The following ZC3HC1 variants were observed in gnomAD, a reference collection of about 807,000 sequenced individuals.
The protein encoded by ZC3HC1 is zinc finger C3HC-type containing 1.
A neutral mutation model predicts 61.9 loss-of-function variants in ZC3HC1; 38 were observed. The ratio of observed to expected loss-of-function variants is 0.61; its 90% CI spans 0.47 to 0.81. The LOEUF is 0.81. ZC3HC1 is among the 30% of genes least tolerant of loss of function. The pLI is 0.00. For missense variants in ZC3HC1, 554 were observed against 622.7 expected (o/e 0.89, Z 1.17); for synonymous variants, 213 against 229.9 (o/e 0.93, Z 0.67).
intron 9 of ZC3HC1, among the ~76,000 whole-genome samples, chr7:130,019,054 C>CTTTCTT (rs779856466): frequency 1.5e-5 from 2 of 132,982 alleles, no homozygotes; most frequent in Non-Finnish European, 3.2e-5. Flanking sequence ...ACTGGTTTTT[C>CTTTCTT]TTTTTTTTTT....
chr7:130,041,250 C>T (rs766653553), intron 2 of ZC3HC1, 149 bp from the exon 3 acceptor site: 19 of 844,282 alleles, frequency 2.3e-5, no homozygotes, highest in South Asian at 4.6e-5. Context: ...TGCAGTGGCA[C>T]GATCTAAGCT....
intron 2 of ZC3HC1, chr7:130,043,939 T>C (rs1794774389): frequency 2.3e-6 from 1 of 431,918 alleles, no homozygotes; most frequent in Admixed American, 2.8e-5. Context: ...GAGGGAAAAA[T>C]AGGGAAAAGG....
intron 8 of ZC3HC1, among the ~76,000 whole-genome samples, chr7:130,022,831 C>T (rs1453754324): frequency 1.3e-5 from 2 of 152,236 alleles, no homozygotes; most frequent in Admixed American, 6.5e-5. Context: ...TCTGAATTTA[C>T]AGCTGCTCCC....
intron 1 of ZC3HC1, 133 bp from the exon 2 acceptor site, chr7:130,049,277 T>G: frequency 1.9e-6 from 1 of 531,292 alleles, no homozygotes; most frequent in South Asian, 4.6e-5. Flanking sequence ...ATCATTTTAC[T>G]CATGTCATTC....
chr7:130,027,951 G>A (rs1230657589), intron 5 of ZC3HC1, among the ~76,000 whole-genome samples: 6 of 146,094 alleles, frequency 4.1e-5, no homozygotes, highest in Admixed American at 6.8e-5. Context: ...GGCGGATCAC[G>A]AGGTCAGGAG....
At chr7:130,048,836 T>C (rs752897594) in intron 2 of ZC3HC1, 197 bp downstream of exon 2, 13 of 394,738 alleles carry the variant, frequency 3.3e-5, no homozygotes, top group Non-Finnish European at 4.4e-5. Flanking sequence ...CTTAGTTTTT[T>C]CTTCTGTAAA....
At chr7:130,022,182 CA>C in intron 9 of ZC3HC1, 136 bp downstream of exon 9, 1 of 1,169,714 alleles carries the variant, frequency 8.5e-7, no homozygotes, top group Admixed American at 2.0e-5. Context: ...AAAAAACAAA[CA>C]AACAAACAAA....
chr7:130,034,464 G>A (rs13309401), intron 4 of ZC3HC1, among the ~76,000 whole-genome samples: 1 of 136,914 alleles, frequency 7.3e-6, no homozygotes, highest in African/African-American at 2.8e-5. Context: ...TAGCCTGGGC[G>A]ACAGAGCGAG....
In ZC3HC1 at chr7:130,023,533, C is replaced by T. The variant is rs202243776; in HGVS notation, c.1211G>A (p.Arg404His). 3.8e-5 allele frequency: 61 copies of T among 1,614,028 alleles called. No homozygotes were observed. The highest frequency in any genetic ancestry group is 3.3e-4 in the Middle Eastern group (2 of 6,056). The change falls in exon 8 of 10, where the codon CGC (arginine) becomes CAC (histidine). Residue 404 changes from arginine (R) to histidine (H), a missense_variant. Coordinates refer to ENST00000358303, the MANE Select transcript of ZC3HC1 (RefSeq NM_016478.5). This position sits in a 1 kb window ranked among gnomAD's most constrained non-coding sequence, Gnocchi z 4.2. ...SSPLRKAKRA[R>H]LCSSSSSDTS... ...CACCGAACTGCTGGAGGAGCAGAGGCGAGCTCGCTTGGCTTTCCGCAGAGG... is the reference window on the plus strand; with the variant it reads ...CACCGAACTGCTGGAGGAGCAGAGGTGAGCTCGCTTGGCTTTCCGCAGAGG...
chr7:130,028,717 T>C (rs1178541999), intron 5 of ZC3HC1, among the ~76,000 whole-genome samples, 185 bp downstream of exon 5: 1 of 152,124 alleles, frequency 6.6e-6, no homozygotes, highest in Admixed American at 6.6e-5. Context: ...TAAAAAAACA[T>C]ACCTAAACAT....
chr7:130,023,532 G>A lies in ZC3HC1; in HGVS notation c.1212C>T (p.Arg404=), dbSNP rs765024127. ...TCACCGAACTGCTGGAGGAGCAGAG[G>A]CGAGCTCGCTTGGCTTTCCGCAGAG... ...SSPLRKAKRA[R]LCSSSSSDTS... Residue 404 remains arginine, a synonymous_variant, in exon 8 of 10, where the codon CGC becomes CGT. Transcript: ENST00000358303. The surrounding 1 kb of genome is among the most constrained non-coding windows in gnomAD (Gnocchi z 4.2). The A allele has an allele frequency of 6.2e-7, 1 of 1,614,194 alleles. No individual in the cohort carries two copies. The highest frequency in any genetic ancestry group is 1.7e-5 in the Admixed American group (1 of 60,016).
intron 3 of ZC3HC1, 125 bp from the exon 4 acceptor site, chr7:130,039,672 AG>A: frequency 1.5e-6 from 1 of 657,970 alleles, no homozygotes; most frequent in Non-Finnish European, 2.5e-6. Context: ...AATATTATCA[AG>A]TACATAATCT....
At chr7:130,024,698 C>T (rs1793810801) in intron 6 of ZC3HC1, among the ~76,000 whole-genome samples, 192 bp from the exon 7 acceptor site, 2 of 152,110 alleles carry the variant, frequency 1.3e-5, no homozygotes, top group African/African-American at 4.8e-5. Context: ...CATAGAAAGA[C>T]CTCGGGTTCT....
chr7:130,022,477 A>T lies in ZC3HC1; in HGVS notation c.1282T>A (p.Trp428Arg). 6.2e-7 allele frequency: 1 copy of T among 1,612,982 alleles called. No individual in the cohort carries two copies. The highest frequency in any genetic ancestry group is 8.5e-7 in the Non-Finnish European group (1 of 1,179,508). Reference protein sequence around the residue: ...FFDPTSQHRDWCPWVNITLGK... With the variant: ...FFDPTSQHRDRCPWVNITLGK... ...AGTGTGATATTCACCCAAGGGCACC[A>T]GTCTCTATGCTGAGAGGTGGGATCA... The change falls in exon 9 of 10, where the codon TGG (tryptophan) becomes AGG (arginine). Residue 428 changes from tryptophan (W) to arginine (R), a missense_variant. Transcript: ENST00000358303.
intron 9 of ZC3HC1, among the ~76,000 whole-genome samples, 161 bp downstream of exon 9, chr7:130,022,158 C>T (rs180880043): frequency 2.2e-4 from 34 of 152,134 alleles, no homozygotes; most frequent in Admixed American, 6.5e-4. Flanking sequence ...GCAACAAGAA[C>T]GAGACTCCAT....
chr7:130,035,222 T>C (rs1794383015), intron 4 of ZC3HC1, among the ~76,000 whole-genome samples: 1 of 151,902 alleles, frequency 6.6e-6, no homozygotes, highest in Non-Finnish European at 1.5e-5. Context: ...AAACCCCGTC[T>C]CTACTAAAAA....
chr7:130,022,608 A>G, intron 8 of ZC3HC1, 83 bp from the exon 9 acceptor site: 1 of 1,414,414 alleles, frequency 7.1e-7, no homozygotes, highest in Non-Finnish European at 9.8e-7. Flanking sequence ...TATCAAGTCC[A>G]GAATCTCACA....
rs1422215591 is a variant in ZC3HC1, at chr7:130,022,356, T to C, written c.1403A>G (p.His468Arg). 7 of 1,614,026 alleles carry C rather than the reference T, an allele frequency of 4.3e-6. No individual in the cohort carries two copies. The African/African-American group carries it at 6.7e-5, about 15-fold the overall frequency. The change falls in exon 9 of 10, where the codon CAC becomes CGC. Residue 468 changes from histidine (H) to arginine (R), a missense_variant. By Grantham distance (29) the His-to-Arg change is conservative (BLOSUM62 0). Coordinates refer to ENST00000358303, the MANE Select transcript of ZC3HC1 (RefSeq NM_016478.5). ...WKAVLTILLAHKQSSQPAETD... is the reference protein window; with the variant it reads ...WKAVLTILLARKQSSQPAETD... ...TTCAGCTGGCTGGCTAGACTGTTTG[T>C]GCGCCAAGAGGATGGTCAGCACTGC...
chr7:130,041,598 C>T (rs935833455), intron 2 of ZC3HC1, among the ~76,000 whole-genome samples: 15 of 146,760 alleles, frequency 1.0e-4, no homozygotes, highest in Non-Finnish European at 1.6e-4. Context: ...AGTCTCGGCT[C>T]GGTTTCTGCA....
Sources: gnomAD v4.1 joint callset for allele counts (sites outside exome capture counted in the v4.1 genomes callset) on GRCh38, gnomAD v4.1.1 for gene constraint, Gnocchi (gnomAD v3.1) non-coding constraint, MANE v1.5 for transcripts, NCBI Gene and HGNC (gene_info 2026-07-23, HGNC 2026-07-21) for gene names.